Variants in SV2B observed in about 807,000 individuals in gnomAD.
SV2B encodes solute carrier family 22 member B2.
Under a neutral mutation model 73.9 loss-of-function variants are expected in SV2B, and 41 were observed. The observed-to-expected ratio is 0.56, with a 90% confidence interval of 0.43 to 0.72. SV2B has a LOEUF of 0.72. SV2B is among the 30% of genes least tolerant of loss of function. The probability of loss-of-function intolerance (pLI) is 0.00; values close to 1 mark genes in which losing one functional copy is unlikely to be tolerated. For synonymous variants in SV2B, 314 were observed against 314.2 expected, an observed-to-expected ratio of 1.00 and a Z score of 0.01; for missense variants, 764 against 857.8, an observed-to-expected ratio of 0.89 and a Z score of 1.37.
intron 1 of SV2B, among the ~76,000 whole-genome samples, chr15:91,217,671 T>G (rs1246260408): frequency 3.9e-5 from 6 of 152,330 alleles, no homozygotes; most frequent in Non-Finnish European, 8.8e-5. Flanking sequence ...CATATTCTAA[T>G]GTAATAATAA....
intron 6 of SV2B, 88 bp downstream of exon 6, chr15:91,260,497 A>T (rs1336344470): frequency 9.9e-7 from 1 of 1,011,320 alleles, no homozygotes; most frequent in African/African-American, 1.6e-5. Context: ...ACATAACAGG[A>T]AATTTGTCAA....
chr15:91,275,999 G>A (rs1427581390), intron 9 of SV2B, among the ~76,000 whole-genome samples: 2 of 151,146 alleles, frequency 1.3e-5, no homozygotes, highest in African/African-American at 4.9e-5. Flanking sequence ...TTGTTTGTCT[G>A]ATGGATCTGT....
chr15:91,284,070 C>A lies in SV2B; in HGVS notation c.1557C>A (p.Phe519Leu). The change falls in exon 11 of 13, where the codon TTC (phenylalanine) becomes TTA (leucine). Residue 519 changes from phenylalanine (F) to leucine (L), a missense_variant. By Grantham distance (22) the Phe-to-Leu change is conservative. Transcript: ENST00000394232. This position sits in a 1 kb window ranked among gnomAD's most constrained non-coding sequence, Gnocchi z 4.5. ...ACTGTCGGTTTATCAACTCCACCTT[C>A]CTGGAGCAGAAGGAGGGCTGCCACA... ...FINCRFINST[F>L]LEQKEGCHMD... 1 of 1,614,198 alleles carries A rather than the reference C, an allele frequency of 6.2e-7. No individual in the cohort carries two copies. Among genetic ancestry groups the A allele is most frequent in the Non-Finnish European group, 8.5e-7 (1 of 1,180,054 alleles).
intron 9 of SV2B, among the ~76,000 whole-genome samples, chr15:91,269,027 C>A (rs2048206767): frequency 6.6e-6 from 1 of 151,984 alleles, no homozygotes; most frequent in East Asian, 1.9e-4. Context: ...CAAATAAAGC[C>A]CTGTTGTTAT....
intron 1 of SV2B, among the ~76,000 whole-genome samples, chr15:91,203,582 A>G (rs528686385): frequency 5.3e-5 from 8 of 152,362 alleles, no homozygotes; most frequent in African/African-American, 1.2e-4. Context: ...AAATGTGGCA[A>G]TCTTGTTACG....
intron 1 of SV2B, among the ~76,000 whole-genome samples, chr15:91,188,283 T>TTTTA (rs200076814): frequency 0.29 from 42,205 of 143,610 alleles, 6,610 homozygotes; most frequent in Middle Eastern, 0.35. Context: ...TGTTCCTTAT[T>TTTTA]TTTATTTATT....
At chr15:91,248,137 C>T (rs903482546) in intron 2 of SV2B, among the ~76,000 whole-genome samples, 2 of 151,934 alleles carry the variant, frequency 1.3e-5, no homozygotes, top group South Asian at 2.1e-4. Context: ...CTGGCTAACA[C>T]GGTGAAACCC....
chr15:91,131,147 G>GTTT lies in SV2B; in HGVS notation c.-392+30803_-392+30805dup, dbSNP rs56130189. Among the ~76,000 whole-genome samples, 524 of 118,022 alleles carry GTTT rather than the reference G, an allele frequency of 4.4e-3. 5 individuals carry two copies. The highest frequency in any genetic ancestry group is 6.9e-3 in the African/African-American group (215 of 31,368). The allele number at this position is 118,022 out of a possible 152,430, so 77.4% of individuals were successfully genotyped here. ...AGATTCAGGGAAAAGATGTTTTCTT[G>GTTT]TTTTTTTTTTTTTTTTTTTTTAAAT... On this transcript the variant is annotated intron_variant, in intron 1 of 12. Coordinates refer to ENST00000394232, the MANE Select transcript of SV2B (RefSeq NM_001323032.3).
chr15:91,204,953 C>A (rs2045583934), intron 1 of SV2B, among the ~76,000 whole-genome samples: 1 of 152,140 alleles, frequency 6.6e-6, no homozygotes, highest in African/African-American at 2.4e-5. Flanking sequence ...GTTGAAAGAC[C>A]TAACTTGCAT....
At chr15:91,127,610 A>C (rs542866126) in intron 1 of SV2B, among the ~76,000 whole-genome samples, 2 of 152,236 alleles carry the variant, frequency 1.3e-5, no homozygotes, top group South Asian at 4.2e-4. Flanking sequence ...GAAAGAAAAG[A>C]AATACTCCAG....
intron 1 of SV2B, among the ~76,000 whole-genome samples, chr15:91,158,324 T>C (rs1186520077): frequency 2.0e-5 from 3 of 152,272 alleles, no homozygotes; most frequent in African/African-American, 4.8e-5. Context: ...ACTCTTGTCA[T>C]CCAAATTTTA....
At chr15:91,262,089 A>C (rs983384134) in intron 6 of SV2B, among the ~76,000 whole-genome samples, 6 of 152,200 alleles carry the variant, frequency 3.9e-5, no homozygotes, top group Non-Finnish European at 7.4e-5. Context: ...GCAGGATCAC[A>C]CGGTGGCTGA....
rs1365991763 is a variant in SV2B at position 91,294,789 on chromosome 15, A to G, written c.*2237A>G. 6.6e-6 allele frequency: 1 copy of G among 152,194 alleles called. No homozygotes were observed. The highest frequency in any genetic ancestry group is 2.1e-4 in the South Asian group (1 of 4,828). 9.4% of individuals were successfully genotyped at this position (152,194 alleles called of 1,614,324 possible). A position where few individuals can be genotyped will look rare whatever the true frequency, so the allele number is the denominator to read the frequency against. ...GGGTGGCTGCAATAATTTGGGGGCT[A>G]ACTCCATTTGGTTTCCAAGATCTCA... On this transcript the variant is annotated 3_prime_UTR_variant, in exon 13 of 13. Coordinates refer to ENST00000394232, the MANE Select transcript of SV2B (RefSeq NM_001323032.3). The surrounding 1 kb of genome is among the most constrained non-coding windows in gnomAD (Gnocchi z 4.1).
chr15:91,129,516 T>C lies in SV2B; in HGVS notation c.-392+29153T>C, dbSNP rs1333667915. On this transcript the variant is annotated intron_variant, in intron 1 of 12. Coordinates refer to ENST00000394232, the MANE Select transcript of SV2B (RefSeq NM_001323032.3). The surrounding 1 kb of genome is among the most constrained non-coding windows in gnomAD (Gnocchi z 5.1). ...GCCCAGAACCGGAGTATGGCCCTAGTGCATGGATGAAGCTGCAAGGGTGGA... is the reference window on the plus strand; with the variant it reads ...GCCCAGAACCGGAGTATGGCCCTAGCGCATGGATGAAGCTGCAAGGGTGGA... Among the ~76,000 whole-genome samples, 2 of 152,134 alleles carry C rather than the reference T, an allele frequency of 1.3e-5. No homozygotes were observed. Among genetic ancestry groups the C allele is most frequent in the Non-Finnish European group, 2.9e-5 (2 of 68,018 alleles).
chr15:91,245,981 TTGG>T lies in SV2B; in HGVS notation c.452-5834_452-5832del, dbSNP rs952540281. 6.6e-6 allele frequency among the ~76,000 whole-genome samples: 1 copy of T among 151,370 alleles called. No homozygotes were observed. Among genetic ancestry groups the T allele is most frequent in the Non-Finnish European group, 1.5e-5 (1 of 67,928 alleles). On this transcript the variant is annotated intron_variant, in intron 2 of 12. Transcript: ENST00000394232. The surrounding 1 kb of genome is among the most constrained non-coding windows in gnomAD (Gnocchi z 4.2). ...ATGCTCTGTCCCTTTATAGAAAAAG[TTGG>T]TGGAGCCTTAGTTTGGAACATCAGG...
At chr15:91,172,187 A>G (rs1044715996) in intron 1 of SV2B, among the ~76,000 whole-genome samples, 1 of 152,234 alleles carries the variant, frequency 6.6e-6, no homozygotes, top group African/African-American at 2.4e-5. Context: ...GCCTGGCCAC[A>G]GCCTATCTTT....
At chr15:91,147,295 T>C (rs1263070080) in intron 1 of SV2B, among the ~76,000 whole-genome samples, 2 of 152,172 alleles carry the variant, frequency 1.3e-5, no homozygotes, top group Admixed American at 1.3e-4. Flanking sequence ...CTGCAGGTCC[T>C]TCTGACCTGG....
rs59849012 is a variant in SV2B at position 91,191,063 on chromosome 15, C to CTTTTTTTTTTTTTTTTTTTTTTTTTTTT, written c.-391-34789_-391-34788insTTTTTTTTTTTTTTTTTTTTTTTTTTTT. Among the ~76,000 whole-genome samples the CTTTTTTTTTTTTTTTTTTTTTTTTTTTT allele has an allele frequency of 7.0e-4, 45 of 64,244 alleles. 11 individuals carry two copies. The highest frequency in any genetic ancestry group is 1.6e-3 in the East Asian group (2 of 1,290). The allele number at this position is 64,244 out of a possible 152,430, so 42.1% of individuals were successfully genotyped here. ...TACCCTGGTGGTTTTTTTGGTGTTT[C>CTTTTTTTTTTTTTTTTTTTTTTTTTTTT]TTTTTTTTTTTTTTTTTTTTTGACA... On this transcript the variant is annotated intron_variant, in intron 1 of 12. Transcript: ENST00000394232.
intron 2 of SV2B, among the ~76,000 whole-genome samples, chr15:91,249,079 C>T (rs1026263947): frequency 1.2e-4 from 16 of 135,914 alleles, no homozygotes; most frequent in African/African-American, 3.9e-4. Flanking sequence ...CACACACACA[C>T]ACACACACAC....
Sources: allele counts gnomAD v4.1 joint callset (sites outside exome capture counted in the v4.1 genomes callset), GRCh38; gene constraint gnomAD v4.1.1; non-coding constraint Gnocchi (gnomAD v3.1); transcripts MANE v1.5; gene names NCBI Gene and HGNC (gene_info 2026-07-23, HGNC 2026-07-21).